RALGPS1: variants seen among roughly 807,000 people sequenced by gnomAD.
RALGPS1 encodes the protein Ral GEF with PH domain and SH3 binding motif 1.
Under a neutral mutation model 78.8 loss-of-function variants are expected in RALGPS1, and 19 were observed. That is an observed-to-expected ratio of 0.24 (90% CI 0.17 to 0.35). The LOEUF (loss-of-function observed/expected upper bound fraction) is 0.35. RALGPS1 is among the 10% of genes least tolerant of loss of function. The pLI is 1.00. For missense variants in RALGPS1, 454 were observed against 688.3 expected, an observed-to-expected ratio of 0.66 and a Z score of 3.81; for synonymous variants, 228 against 256.3, an observed-to-expected ratio of 0.89 and a Z score of 1.06.
At chr9:126,979,303 G>C (rs1160898036) in intron 4 of RALGPS1, among the ~76,000 whole-genome samples, 1 of 151,580 alleles carries the variant, frequency 6.6e-6, no homozygotes, top group Non-Finnish European at 1.5e-5. Context: ...ATTAGGGTTG[G>C]GGAACAGAGC....
chr9:127,060,642 C>T (rs1457586495), intron 7 of RALGPS1, among the ~76,000 whole-genome samples: 1 of 152,024 alleles, frequency 6.6e-6, no homozygotes, highest in Non-Finnish European at 1.5e-5. Context: ...GAACTGTCAT[C>T]CTCTTTCAGC....
intron 7 of RALGPS1, among the ~76,000 whole-genome samples, chr9:127,067,912 C>T (rs2049858626): frequency 2.6e-5 from 4 of 152,234 alleles, no homozygotes; most frequent in Admixed American, 6.5e-5. Context: ...GTTTAGTCAG[C>T]CATGTTGCCA....
chr9:127,088,433 C>T (rs2052032579), intron 8 of RALGPS1: 1 of 165,970 alleles, frequency 6.0e-6, no homozygotes, highest in Non-Finnish European at 1.3e-5. Context: ...AGTAATACAA[C>T]ACTAATGAAA....
At chr9:127,098,693 G>A (rs934780229) in intron 8 of RALGPS1, among the ~76,000 whole-genome samples, 7 of 152,164 alleles carry the variant, frequency 4.6e-5, no homozygotes, top group African/African-American at 1.7e-4. Context: ...GTTCTTGACA[G>A]GGATTAGGCA....
At position 127,117,764 on chromosome 9, in the gene RALGPS1, G is replaced by T. The variant is rs191663868; in HGVS notation, c.611-48305G>T. Among the ~76,000 whole-genome samples the T allele has an allele frequency of 8.0e-3, 1,222 of 152,320 alleles. 22 individuals are homozygous for T. Among genetic ancestry groups the T allele is most frequent in the African/African-American group, 0.028 (1,164 of 41,556 alleles). On this transcript the variant is annotated intron_variant, in intron 8 of 18. Transcript: ENST00000259351. The stretch of plus-strand genomic sequence containing the variant: ...GGCCCTGAGTGGGTATTAGAGATTC[G>T]GCAGTAACTGAGACAGACACAGCCT...
intron 18 of RALGPS1, chr9:127,217,612 C>G (rs2062651319): frequency 4.9e-6 from 1 of 205,810 alleles, no homozygotes; most frequent in African/African-American, 2.4e-5. Flanking sequence ...AACAGCAGAG[C>G]CACCAGGGCC....
chr9:127,193,165 G>A (rs1022415190), intron 11 of RALGPS1, among the ~76,000 whole-genome samples: 2 of 152,166 alleles, frequency 1.3e-5, no homozygotes, highest in Non-Finnish European at 2.9e-5. Flanking sequence ...AGACGGGTAG[G>A]ACCTGAGAGA....
intron 1 of RALGPS1, among the ~76,000 whole-genome samples, chr9:126,949,514 G>A (rs1201389864): frequency 4.6e-5 from 7 of 152,198 alleles, no homozygotes; most frequent in African/African-American, 1.7e-4. Flanking sequence ...TCTAACTGGT[G>A]TGAGATGGTA....
At chr9:126,964,434 G>T (rs1447797778) in intron 2 of RALGPS1, among the ~76,000 whole-genome samples, 1 of 151,582 alleles carries the variant, frequency 6.6e-6, no homozygotes, top group African/African-American at 2.4e-5. Context: ...CCCTCCTGGG[G>T]ATGGAGGCAG....
At chr9:127,126,269 G>A (rs147963674) in intron 8 of RALGPS1, among the ~76,000 whole-genome samples, 145 of 152,018 alleles carry the variant, frequency 9.5e-4, no homozygotes, top group Middle Eastern at 3.4e-3. Context: ...TATACATAAT[G>A]GATCTTCTGT....
At chr9:127,207,281 A>G (rs949470969) in intron 14 of RALGPS1, among the ~76,000 whole-genome samples, 3 of 152,048 alleles carry the variant, frequency 2.0e-5, no homozygotes, top group Non-Finnish European at 2.9e-5. Context: ...CTTTGTTGCC[A>G]GTCGATGTCT....
chr9:127,170,750 G>C (rs953647502), intron 10 of RALGPS1, among the ~76,000 whole-genome samples: 3 of 152,226 alleles, frequency 2.0e-5, no homozygotes, highest in African/African-American at 7.2e-5. Context: ...CAAATCATGA[G>C]TAATTACTCC....
intron 8 of RALGPS1, among the ~76,000 whole-genome samples, chr9:127,138,009 G>T (rs1050141041): frequency 6.6e-6 from 1 of 152,184 alleles, no homozygotes; most frequent in South Asian, 2.1e-4. Flanking sequence ...GTATAAAGTG[G>T]CTGATTATCA....
intron 4 of RALGPS1, among the ~76,000 whole-genome samples, chr9:126,988,667 A>G (rs1179455463): frequency 2.0e-5 from 3 of 152,182 alleles, no homozygotes; most frequent in Non-Finnish European, 4.4e-5. Flanking sequence ...CAGGGAGACT[A>G]GTTAGGAGGA....
chr9:127,059,422 C>T (rs1411976448), intron 7 of RALGPS1, among the ~76,000 whole-genome samples: 6 of 152,220 alleles, frequency 3.9e-5, no homozygotes, highest in Non-Finnish European at 8.8e-5. Context: ...GTCAAATCTG[C>T]TGACATTTGC....
chr9:127,178,446 G>C (rs2060013466), intron 11 of RALGPS1: 6 of 1,040,288 alleles, frequency 5.8e-6, no homozygotes, highest in Non-Finnish European at 7.0e-6. Context: ...GTTGTTATTA[G>C]CACAGTGCGC....
At chr9:127,148,424 G>T (rs2058227610) in intron 8 of RALGPS1, among the ~76,000 whole-genome samples, 1 of 152,254 alleles carries the variant, frequency 6.6e-6, no homozygotes, top group African/African-American at 2.4e-5. Flanking sequence ...GTTGTATCCT[G>T]TGAGCCTAGC....
chr9:127,078,122 G>A (rs553593917), intron 8 of RALGPS1, among the ~76,000 whole-genome samples: 6 of 152,084 alleles, frequency 3.9e-5, no homozygotes, highest in East Asian at 1.9e-4. Context: ...AGCTTCCCTC[G>A]ACCCCAGGCT....
intron 8 of RALGPS1, among the ~76,000 whole-genome samples, chr9:127,142,055 C>T (rs763992284): frequency 3.3e-5 from 5 of 152,192 alleles, no homozygotes; most frequent in Non-Finnish European, 5.9e-5. Flanking sequence ...ACAGGAGCAA[C>T]GTTCTAAATG....
Sources: gnomAD v4.1 joint callset for allele counts (sites outside exome capture counted in the v4.1 genomes callset) on GRCh38, gnomAD v4.1.1 for gene constraint, MANE v1.5 for transcripts, NCBI Gene and HGNC (gene_info 2026-07-23, HGNC 2026-07-21) for gene names.